Variants in RAPGEF1 observed in about 807,000 individuals in gnomAD.
RAPGEF1 encodes Rap guanine nucleotide exchange factor 1.
In RAPGEF1, 33 loss-of-function variants were observed where a neutral mutation model predicts 143.3. The observed-to-expected ratio is 0.23, with a 90% CI of 0.17 to 0.31. The LOEUF is 0.31. Ranked by LOEUF, RAPGEF1 falls within the 10% of genes least tolerant of loss-of-function variation. The probability of loss-of-function intolerance (pLI) is 1.00; values close to 1 mark genes in which losing one functional copy is unlikely to be tolerated. For missense variants in RAPGEF1, 1,199 were observed against 1,645.4 expected (o/e 0.73, Z 4.69); for synonymous variants, 629 against 676.5 (o/e 0.93, Z 1.09).
Position 131,582,713 on chromosome 9 carries a change from AGGACAGGACAGGACC to A in RAPGEF1, c.3415-26_3415-12del. The A allele has an allele frequency of 6.4e-7, 1 of 1,555,888 alleles. No individual in the cohort carries two copies. Among genetic ancestry groups the A allele is most frequent in the Non-Finnish European group, 8.7e-7 (1 of 1,155,322 alleles). ...GTACTCGGCCAGGCCCTGGCAGGACAGGACAGGACAGGACCGGACAGGGGTGAGCGAGTGCTGGGG... is the reference window on the plus strand; with the variant it reads ...GTACTCGGCCAGGCCCTGGCAGGACAGGACAGGGGTGAGCGAGTGCTGGGG... On this transcript the variant is annotated splice_polypyrimidine_tract_variant and intron_variant, in intron 24 of 26. Transcript: ENST00000683357.
At chr9:131,656,568 A>C (rs1165722083) in intron 1 of RAPGEF1, among the ~76,000 whole-genome samples, 1 of 150,820 alleles carries the variant, frequency 6.6e-6, no homozygotes, top group Non-Finnish European at 1.5e-5. Flanking sequence ...TGGTGCTCAA[A>C]GATCTTCAGG....
In RAPGEF1 at chr9:131,627,893, G is replaced by A; in HGVS notation, c.1201+20C>T. On this transcript the variant is annotated intron_variant, in intron 9 of 26. Transcript: ENST00000683357. ...GAAGCCACCGAGACACGATGGAACA[G>A]GAGGATGGTGGCGGCTCACCTAGTG... The A allele has an allele frequency of 1.3e-6, 2 of 1,569,714 alleles. No homozygotes were observed. Among genetic ancestry groups the A allele is most frequent in the Non-Finnish European group, 1.7e-6 (2 of 1,158,338 alleles).
Position 131,588,935 on chromosome 9 carries a change from G to T in RAPGEF1, c.2919C>A (p.Phe973Leu), listed in dbSNP as rs765550864. ...EILKLLMELV[F>L]RLVCNGELSL... The stretch of plus-strand genomic sequence containing the variant: ...TCAGCTCCCCATTGCACACCAGGCG[G>T]AAGACCAGTTCCATCAGCAGCTTCA... Residue 973 changes from phenylalanine (F) to leucine (L), a missense_variant, in exon 20 of 27, where the codon TTC becomes TTA. Phe to Leu is a conservative substitution (Grantham distance 22, BLOSUM62 0). Around this residue, in one of 6 missense-constraint regions of RAPGEF1, gnomAD observed 209 missense variants for 403.0 expected, o/e 0.52. Coordinates refer to ENST00000683357, the MANE Select transcript of RAPGEF1 (RefSeq NM_001377935.1). The T allele has an allele frequency of 1.2e-6, 2 of 1,613,924 alleles. No individual in the cohort carries two copies. Among genetic ancestry groups the T allele is most frequent in the Non-Finnish European group, 8.5e-7 (1 of 1,179,854 alleles).
intron 18 of RAPGEF1, among the ~76,000 whole-genome samples, chr9:131,591,345 C>T (rs1057312742): frequency 7.2e-5 from 11 of 152,180 alleles, no homozygotes; most frequent in African/African-American, 2.7e-4. Context: ...TGGTGGCTGC[C>T]CAGCAGATGG....
chr9:131,717,837 C>T (rs1835967972), intron 1 of RAPGEF1, among the ~76,000 whole-genome samples: 1 of 151,520 alleles, frequency 6.6e-6, no homozygotes, highest in African/African-American at 2.4e-5. Flanking sequence ...GTGATGCGCA[C>T]CCTATCTGTT....
chr9:131,602,032 G>A (rs1263468913), intron 15 of RAPGEF1, 29 bp downstream of exon 15: 2 of 1,550,326 alleles, frequency 1.3e-6, no homozygotes, highest in Non-Finnish European at 8.7e-7. Flanking sequence ...GCTCTCGGGG[G>A]ACCCAGCTCC....
At chr9:131,739,474 G>A (rs756781771) in intron 1 of RAPGEF1, among the ~76,000 whole-genome samples, 3 of 151,902 alleles carry the variant, frequency 2.0e-5, no homozygotes, top group Non-Finnish European at 4.4e-5. Context: ...TGGGGCTCGA[G>A]CCATTTTCGG....
At chr9:131,610,152 T>C (rs1381051728) in intron 12 of RAPGEF1, among the ~76,000 whole-genome samples, 3 of 152,188 alleles carry the variant, frequency 2.0e-5, no homozygotes, top group Non-Finnish European at 4.4e-5. Flanking sequence ...TACCTCAGCC[T>C]CCCAAAGTGC....
chr9:131,619,957 A>C lies in RAPGEF1; in HGVS notation c.1906-751T>G, dbSNP rs866851242. Among the ~76,000 whole-genome samples the C allele has an allele frequency of 2.6e-5, 4 of 152,128 alleles. No individual in the cohort carries two copies. The South Asian group carries it at 8.3e-4, about 32-fold the overall frequency. ...CTTCTGTTTCTAGCTGTGGGCTTGG[A>C]TTAAGGTTCGCTGGCTCTGTCTGCC... On this transcript the variant is annotated intron_variant, in intron 11 of 26. Transcript: ENST00000683357.
At chr9:131,668,799 C>G (rs1252306607) in intron 1 of RAPGEF1, among the ~76,000 whole-genome samples, 1 of 152,240 alleles carries the variant, frequency 6.6e-6, no homozygotes, top group Non-Finnish European at 1.5e-5. Context: ...GGTAAAATAA[C>G]AGTTTATTCT....
chr9:131,731,256 G>A (rs755255626), intron 1 of RAPGEF1, among the ~76,000 whole-genome samples: 5 of 152,178 alleles, frequency 3.3e-5, no homozygotes, highest in Non-Finnish European at 5.9e-5. Flanking sequence ...GGTACAGCAC[G>A]TGGTAAGTGC....
rs1310739877 is a variant in RAPGEF1, at chr9:131,584,290, C to G, written c.3414+21G>C. 6.3e-7 allele frequency: 1 copy of G among 1,592,260 alleles called. No individual in the cohort carries two copies. Among genetic ancestry groups the G allele is most frequent in the Admixed American group, 1.8e-5 (1 of 56,702 alleles). On this transcript the variant is annotated intron_variant, in intron 24 of 26. Coordinates refer to ENST00000683357, the MANE Select transcript of RAPGEF1 (RefSeq NM_001377935.1). The surrounding 1 kb of genome is among the most constrained non-coding windows in gnomAD (Gnocchi z 6.8). ...CCCCCCTTACCAGCCACCCTCCCGCCCACGCCCCAAGGCCACTCACCTCTG... is the reference window on the plus strand; with the variant it reads ...CCCCCCTTACCAGCCACCCTCCCGCGCACGCCCCAAGGCCACTCACCTCTG...
chr9:131,599,843 C>T (rs576317094), intron 15 of RAPGEF1, among the ~76,000 whole-genome samples: 4 of 152,288 alleles, frequency 2.6e-5, no homozygotes, highest in East Asian at 1.9e-4. Context: ...TTAGGCCAAA[C>T]GTGGTGGCTC....
chr9:131,625,201 A>T (rs1280200869), intron 10 of RAPGEF1, among the ~76,000 whole-genome samples: 1 of 152,234 alleles, frequency 6.6e-6, no homozygotes, highest in South Asian at 2.1e-4. Flanking sequence ...ATCGAAGCAG[A>T]ACTATGCTAG....
chr9:131,603,388 T>G (rs1956588852), intron 14 of RAPGEF1, among the ~76,000 whole-genome samples: 1 of 152,132 alleles, frequency 6.6e-6, no homozygotes, highest in Non-Finnish European at 1.5e-5. Context: ...ACCGCGATGG[T>G]CGGGAGCTGG....
chr9:131,639,467 T>TGTGTGTGTGAGA (rs1233904740), intron 4 of RAPGEF1, among the ~76,000 whole-genome samples: 1 of 143,236 alleles, frequency 7.0e-6, no homozygotes, highest in South Asian at 2.2e-4. Context: ...TGTGTGTGTG[T>TGTGTGTGTGAGA]GAGAGAGAGA....
intron 14 of RAPGEF1, among the ~76,000 whole-genome samples, chr9:131,603,292 G>A (rs79027418): frequency 0.051 from 7,817 of 152,302 alleles, 387 homozygotes; most frequent in East Asian, 0.14. Flanking sequence ...TGGGCTCATG[G>A]GGGGAGCAAT....
rs888507187 is a variant in RAPGEF1, at chr9:131,641,939, A to T, written c.494+1300T>A. 2.6e-5 allele frequency among the ~76,000 whole-genome samples: 4 copies of T among 152,244 alleles called. No homozygotes were observed. The highest frequency in any genetic ancestry group is 2.6e-4 in the Admixed American group (4 of 15,292). On this transcript the variant is annotated intron_variant, in intron 4 of 26. Transcript: ENST00000683357. This position sits in a 1 kb window ranked among gnomAD's most constrained non-coding sequence, Gnocchi z 4.6. Reference sequence around the variant, plus strand: ...TATCCCCCAGAAGAAGAAAACTATGAACTTCATTGCCAAGTTCTGAAAGCA... The same window carrying T: ...TATCCCCCAGAAGAAGAAAACTATGTACTTCATTGCCAAGTTCTGAAAGCA...
intron 5 of RAPGEF1, among the ~76,000 whole-genome samples, chr9:131,635,547 C>T (rs1247734109): frequency 1.3e-5 from 2 of 152,250 alleles, no homozygotes; most frequent in Non-Finnish European, 2.9e-5. Flanking sequence ...CATTTCCCTT[C>T]TGCACAGCTC....
Sources: gnomAD v4.1 joint callset for allele counts (sites outside exome capture counted in the v4.1 genomes callset) on GRCh38, gnomAD v4.1.1 for gene constraint, gnomAD v4.1.1 regional missense constraint, Gnocchi (gnomAD v3.1) non-coding constraint, MANE v1.5 for transcripts, NCBI Gene and HGNC (gene_info 2026-07-23, HGNC 2026-07-21) for gene names.